The following C6orf62 variants were observed in gnomAD, a reference collection of about 807,000 sequenced individuals.
C6orf62 encodes chromosome 6 open reading frame 62.
A neutral mutation model predicts 26.8 loss-of-function variants in C6orf62; 16 were observed. The observed-to-expected ratio is 0.60, with a 90% CI of 0.40 to 0.91. C6orf62 has a LOEUF of 0.91. Among genes scored for constraint, C6orf62 ranks in the 40% least tolerant of loss-of-function variants. The probability of loss-of-function intolerance (pLI) is 0.00; values close to 1 mark genes in which losing one functional copy is unlikely to be tolerated. For missense variants in C6orf62, 192 were observed against 271.4 expected, an observed-to-expected ratio of 0.71 and a Z score of 2.06; for synonymous variants, 112 against 91.5, an observed-to-expected ratio of 1.22 and a Z score of -1.28.
chr6:24,709,612 A>G, intron 3 of C6orf62: 2 of 985,372 alleles, frequency 2.0e-6, no homozygotes, highest in Non-Finnish European at 2.4e-6. Context: ...TAGATAGGCT[A>G]TGTTTTTATG....
At position 24,719,144 on chromosome 6, in the gene C6orf62, T is replaced by A; in HGVS notation, c.-476A>T. 1.1e-6 allele frequency: 1 copy of A among 898,244 alleles called. No individual in the cohort carries two copies. Among genetic ancestry groups the A allele is most frequent in the Non-Finnish European group, 1.3e-6 (1 of 778,556 alleles). 55.6% of individuals were successfully genotyped at this position (898,244 alleles called of 1,614,324 possible). A position where few individuals can be genotyped will look rare whatever the true frequency, so the allele number is the denominator to read the frequency against. On this transcript the variant is annotated 5_prime_UTR_variant, in exon 1 of 5. Coordinates refer to ENST00000378119, the MANE Select transcript of C6orf62 (RefSeq NM_030939.5). The stretch of plus-strand genomic sequence containing the variant: ...AAGGAACAGGGAGGGGGAAGTGTGA[T>A]CCTTGCTTTCCAAAAAAAAAAAAAA...
chr6:24,713,288 T>C (rs918510923), intron 3 of C6orf62, among the ~76,000 whole-genome samples: 5 of 152,228 alleles, frequency 3.3e-5, no homozygotes, highest in Admixed American at 3.3e-4. Context: ...CTGTATACAG[T>C]ACTTTCTTAT....
intron 3 of C6orf62, among the ~76,000 whole-genome samples, chr6:24,713,415 A>G (rs142791609): frequency 8.7e-4 from 133 of 152,336 alleles, no homozygotes; most frequent in African/African-American, 2.9e-3. Flanking sequence ...GAGTATATCA[A>G]TTTATACAGT....
upstream of C6orf62, chr6:24,720,013 G>GGGGGCCCCCCCCCCC: frequency 6.8e-7 from 1 of 1,479,404 alleles, no homozygotes; most frequent in Non-Finnish European, 9.0e-7. Flanking sequence ...TCTAAAGTAA[G>GGGGGCCCCCCCCCCC]CCCACCCACC....
At chr6:24,720,016 C>G, upstream of C6orf62, 2 of 766,120 alleles carry the variant, frequency 2.6e-6, no homozygotes, top group Non-Finnish European at 4.0e-6. Flanking sequence ...AAAGTAAGCC[C>G]ACCCACCCTC....
chr6:24,719,095 TCC>T lies in C6orf62; in HGVS notation c.-429_-428del, dbSNP rs1308823086. 4.2e-6 allele frequency: 4 copies of T among 961,650 alleles called. No individual in the cohort carries two copies. In the African/African-American group the frequency reaches 6.2e-5, roughly 15 times the overall value. The allele number at this position is 961,650 out of a possible 1,614,324, so 59.6% of individuals were successfully genotyped here. A position where few individuals can be genotyped will look rare whatever the true frequency, so the allele number is the denominator to read the frequency against. On this transcript the variant is annotated 5_prime_UTR_variant, in exon 1 of 5. Coordinates refer to ENST00000378119, the MANE Select transcript of C6orf62 (RefSeq NM_030939.5). ...CAATCCCTAAAATCCATCCGGATTTTCCCCCCTTTTTAGAAAAGGGATTAAGG... is the reference window on the plus strand; with the variant it reads ...CAATCCCTAAAATCCATCCGGATTTTCCCCTTTTTAGAAAAGGGATTAAGG...
At position 24,708,929 on chromosome 6, in the gene C6orf62, C is replaced by T. The variant is rs2127632641; in HGVS notation, c.430-18G>A. 6.2e-7 allele frequency: 1 copy of T among 1,613,786 alleles called. No homozygotes were observed. The highest frequency in any genetic ancestry group is 8.5e-7 in the Non-Finnish European group (1 of 1,179,828). Reference sequence around the variant, plus strand: ...AATTTGGCCTAATTACAAAATACAACATTTATATTAAACTACAAACAAGTT... The same window carrying T: ...AATTTGGCCTAATTACAAAATACAATATTTATATTAAACTACAAACAAGTT... On this transcript the variant is annotated intron_variant, in intron 3 of 4. Transcript: ENST00000378119.
upstream of C6orf62, chr6:24,720,471 G>A (rs896709633): frequency 3.2e-6 from 3 of 933,574 alleles, no homozygotes; most frequent in East Asian, 1.2e-4. Context: ...CGGCAACGGA[G>A]GGGAAGGACG....
intron 4 of C6orf62, among the ~76,000 whole-genome samples, chr6:24,708,241 G>A (rs1257313511): frequency 7.9e-6 from 1 of 127,056 alleles, no homozygotes; most frequent in Non-Finnish European, 1.7e-5. Flanking sequence ...GAAGGAGGTG[G>A]GTTTTTTCCC....
chr6:24,708,819 A>T lies in C6orf62; in HGVS notation c.522T>A (p.Pro174=). Residue 174 remains proline (P), a synonymous_variant, in exon 4 of 5, where the codon CCT becomes CCA. Transcript: ENST00000378119. ...KDKTGIVVNN[P]NQSVFLFIDR... is the part of the protein sequence containing the mutation. Reference sequence around the variant, plus strand: ...CAATGAAGAGAAACACTGACTGGTTAGGATTGTTGACAACGATTCCAGTCT... The same window carrying T: ...CAATGAAGAGAAACACTGACTGGTTTGGATTGTTGACAACGATTCCAGTCT... The T allele has an allele frequency of 6.2e-7, 1 of 1,614,226 alleles. No individual in the cohort carries two copies. The highest frequency in any genetic ancestry group is 1.7e-5 in the Admixed American group (1 of 60,018).
chr6:24,706,322 T>C, intron 4 of C6orf62, 60 bp from the exon 5 acceptor site: 2 of 1,588,430 alleles, frequency 1.3e-6, no homozygotes, highest in Admixed American at 3.5e-5. Flanking sequence ...AACTGTCACA[T>C]GAAGTCCATT....
At chr6:24,719,393 G>A, upstream of C6orf62, 2 of 1,010,406 alleles carry the variant, frequency 2.0e-6, no homozygotes, top group Non-Finnish European at 2.4e-6. Flanking sequence ...AGGAAAGGGA[G>A]AGGTACAGGG....
upstream of C6orf62, chr6:24,719,762 G>C (rs1031187509): frequency 5.2e-6 from 8 of 1,543,654 alleles, no homozygotes; most frequent in Non-Finnish European, 7.0e-6. Context: ...AAAGGTGGCG[G>C]GTTCTTCTCC....
rs1554192457 is a variant in C6orf62 at position 24,711,257 on chromosome 6, A to ACACACACACAC, written c.430-2347_430-2346insGTGTGTGTGTG. Among the ~76,000 whole-genome samples, 865 of 151,052 alleles carry ACACACACACAC rather than the reference A, an allele frequency of 5.7e-3. 7 individuals carry two copies. Among genetic ancestry groups the ACACACACACAC allele is most frequent in the African/African-American group, 0.019 (777 of 40,844 alleles). Reference sequence around the variant, plus strand: ...GAAATGGTACACACACACACACACAAACACACACACACAACTTCTCATAAG... The same window carrying ACACACACACAC: ...GAAATGGTACACACACACACACACAACACACACACACACACACACACACAACTTCTCATAAG... On this transcript the variant is annotated intron_variant, in intron 3 of 4. Transcript: ENST00000378119.
chr6:24,716,654 T>C (rs1027180218), intron 1 of C6orf62, among the ~76,000 whole-genome samples: 3 of 152,216 alleles, frequency 2.0e-5, no homozygotes, highest in African/African-American at 7.2e-5. Context: ...TGAATAGTTT[T>C]ATTCCTTATA....
Position 24,714,455 on chromosome 6 carries a change from A to AG in C6orf62, c.307-16_307-15insC. 7.1e-7 allele frequency: 1 copy of AG among 1,401,918 alleles called. No individual in the cohort carries two copies. The highest frequency in any genetic ancestry group is 2.6e-5 in the Admixed American group (1 of 38,918). The allele number at this position is 1,401,918 out of a possible 1,614,324, so 86.8% of individuals were successfully genotyped here. Reference sequence around the variant, plus strand: ...CCAATTACATCCTATAAAATGATTAAAAAAAAAAAAGTTTACTTTTAAAGA... The same window carrying AG: ...CCAATTACATCCTATAAAATGATTAAGAAAAAAAAAAGTTTACTTTTAAAGA... On this transcript the variant is annotated splice_polypyrimidine_tract_variant and intron_variant, in intron 2 of 4. Coordinates refer to ENST00000378119, the MANE Select transcript of C6orf62 (RefSeq NM_030939.5).
In C6orf62 at chr6:24,714,383, C is replaced by T. The variant is rs1779184006; in HGVS notation, c.364G>A (p.Glu122Lys). 6.2e-7 allele frequency: 1 copy of T among 1,611,216 alleles called. No individual in the cohort carries two copies. Among genetic ancestry groups the T allele is most frequent in the East Asian group, 2.2e-5 (1 of 44,774 alleles). ...GAAAACAGGAGACAGACGATTTTTTCAATATCATTCCGAGGCCAAAGAATG... is the reference window on the plus strand; with the variant it reads ...GAAAACAGGAGACAGACGATTTTTTTAATATCATTCCGAGGCCAAAGAATG... ...DFILWPRNDI[E>K]KIVCLLFSRW... Residue 122 changes from glutamate to lysine, a missense_variant, in exon 3 of 5, where the codon GAA (glutamate) becomes AAA (lysine). Glu to Lys is a moderately conservative substitution (Grantham distance 56, BLOSUM62 1). Transcript: ENST00000378119.
chr6:24,714,860 C>T (rs1259636213), intron 2 of C6orf62, among the ~76,000 whole-genome samples: 1 of 152,138 alleles, frequency 6.6e-6, no homozygotes, highest in Non-Finnish European at 1.5e-5. Context: ...CTCAGGTGAT[C>T]CACCCACCTC....
intron 3 of C6orf62, chr6:24,709,293 C>CA (rs1463291977): frequency 1.0e-6 from 1 of 985,232 alleles, no homozygotes; most frequent in East Asian, 1.1e-4. Flanking sequence ...CCTAGTACTC[C>CA]ACGATCATAA....
Sources: gnomAD v4.1 joint callset for allele counts (sites outside exome capture counted in the v4.1 genomes callset) on GRCh38, gnomAD v4.1.1 for gene constraint, MANE v1.5 for transcripts, NCBI Gene and HGNC (gene_info 2026-07-23, HGNC 2026-07-21) for gene names.